Variants in CR1 observed in about 807,000 individuals in gnomAD.
The protein encoded by CR1 is complement C3b/C4b receptor 1 (Knops blood group), also known as complement receptor type 1.
CR1 carries 116 observed loss-of-function variants against 187.3 expected under a neutral mutation model. That is an observed-to-expected ratio of 0.62 (90% confidence interval 0.53 to 0.72). The LOEUF (loss-of-function observed/expected upper bound fraction) is 0.72, where lower values mean the gene tolerates loss of function less well. Ranked by LOEUF, CR1 falls within the 30% of genes least tolerant of loss-of-function variation. The pLI is 0.00. For synonymous variants in CR1, 576 were observed against 747.1 expected, an observed-to-expected ratio of 0.77 and a Z score of 3.73; for missense variants, 1,731 against 2,110.7, an observed-to-expected ratio of 0.82 and a Z score of 3.52.
At chr1:207,568,125 A>G in intron 25 of CR1, 83 bp downstream of exon 25, 2 of 1,608,500 alleles carry the variant, frequency 1.2e-6, no homozygotes, top group South Asian at 2.2e-5. Flanking sequence ...ACAGTGTAGT[A>G]TTTATTTGTA....
chr1:207,593,082 T>TAAAAAAAAA lies in CR1; in HGVS notation c.5810+4309_5810+4310insAAAAAAAAA, dbSNP rs778842599. 1.3e-4 allele frequency among the ~76,000 whole-genome samples: 8 copies of TAAAAAAAAA among 59,928 alleles called. No homozygotes were observed. The African/African-American group carries it at 1.8e-3, about 14-fold the overall frequency. 39.3% of individuals were successfully genotyped at this position (59,928 alleles called of 152,430 possible). A position where few individuals can be genotyped will look rare whatever the true frequency, so the allele number is the denominator to read the frequency against. Reference sequence around the variant, plus strand: ...TTACCAATGGCTTTCTTCACAGAATTACAAAAAAAAAAAAAAAAAAACTAC... The same window carrying TAAAAAAAAA: ...TTACCAATGGCTTTCTTCACAGAATTAAAAAAAAAACAAAAAAAAAAAAAAAAAAACTAC... On this transcript the variant is annotated intron_variant, in intron 35 of 46. Transcript: ENST00000367049.
Position 207,630,576 on chromosome 1 carries a change from G to A in CR1, c.7412G>A (p.Ser2471Asn). 2 of 1,611,396 alleles carry A rather than the reference G, an allele frequency of 1.2e-6. No individual in the cohort carries two copies. Among genetic ancestry groups the A allele is most frequent in the Admixed American group, 1.7e-5 (1 of 59,644 alleles). Residue 2471 changes from serine to asparagine, a missense_variant, in exon 46 of 47, where the codon AGC becomes AAC. Physicochemically the swap from Ser to Asn is conservative, Grantham distance 46. Around this residue, in one of 5 missense-constraint regions of CR1, gnomAD observed 1,312 missense variants for 1,379.6 expected, o/e 0.95. Transcript: ENST00000367049. The stretch of plus-strand genomic sequence containing the variant: ...ATCCATTTACATTCTCAAGGAGGCA[G>A]CAGCGTTCATCCCCGAACTCTGCAA... Reference protein sequence around the residue: ...VAIHLHSQGGSSVHPRTLQTN... With the variant: ...VAIHLHSQGGNSVHPRTLQTN...
intron 28 of CR1, among the ~76,000 whole-genome samples, 157 bp from the exon 29 acceptor site, chr1:207,577,648 T>A (rs2102338288): frequency 6.6e-6 from 1 of 152,268 alleles, no homozygotes; most frequent in Middle Eastern, 3.4e-3. Context: ...TGCATGCCTG[T>A]GATCCCAGCT....
intron 3 of CR1, among the ~76,000 whole-genome samples, 186 bp from the exon 4 acceptor site, chr1:207,511,383 T>C (rs1169296200): frequency 6.6e-6 from 1 of 152,168 alleles, no homozygotes; most frequent in Non-Finnish European, 1.5e-5. Flanking sequence ...CAATTGAGAA[T>C]GTATGAAAAA....
At chr1:207,592,892 T>C (rs1435935290) in intron 35 of CR1, among the ~76,000 whole-genome samples, 1 of 152,004 alleles carries the variant, frequency 6.6e-6, no homozygotes, top group Non-Finnish European at 1.5e-5. Context: ...ACAAGGGAAG[T>C]GAAGGACATC....
intron 32 of CR1, among the ~76,000 whole-genome samples, chr1:207,583,667 A>G (rs1301635850): frequency 6.6e-6 from 1 of 152,194 alleles, no homozygotes; most frequent in Non-Finnish European, 1.5e-5. Flanking sequence ...CTTTGCCTTA[A>G]ATCATTTCAA....
intron 40 of CR1, among the ~76,000 whole-genome samples, chr1:207,616,109 T>A (rs921136400): frequency 9.2e-5 from 14 of 152,186 alleles, no homozygotes; most frequent in African/African-American, 3.1e-4. Flanking sequence ...GTCCTGATGG[T>A]AATGGTCTTG....
chr1:207,524,032 A>G lies in CR1; in HGVS notation c.886+23A>G, dbSNP rs1363306737. Reference sequence around the variant, plus strand: ...GGGGTGAGTCTGACTGAGGCCTAGAAGGGCCCTGCCAGTGACATGCGTTGC... The same window carrying G: ...GGGGTGAGTCTGACTGAGGCCTAGAGGGGCCCTGCCAGTGACATGCGTTGC... On this transcript the variant is annotated intron_variant, in intron 5 of 46. Coordinates refer to ENST00000367049, the MANE Select transcript of CR1 (RefSeq NM_000651.6). The G allele has an allele frequency of 1.1e-5, 18 of 1,611,636 alleles. No homozygotes were observed. The Admixed American group carries it at 2.2e-4, about 19-fold the overall frequency.
At chr1:207,522,979 G>C (rs1660044644) in intron 4 of CR1, among the ~76,000 whole-genome samples, 1 of 152,098 alleles carries the variant, frequency 6.6e-6, no homozygotes, top group South Asian at 2.1e-4. Flanking sequence ...ACTTAGATTT[G>C]ATGAAATGAG....
rs376639303 is a variant in CR1, at chr1:207,554,578, C to T, written c.3101+1727C>T. On this transcript the variant is annotated intron_variant, in intron 19 of 46. Transcript: ENST00000367049. ...ATGGAGTTTTCCTGCCTGCTAACAA[C>T]GGCAGCCATTCTGCAGCCCATGGCT... Among the ~76,000 whole-genome samples the T allele has an allele frequency of 5.7e-3, 196 of 34,458 alleles. 93 individuals carry two copies. The East Asian group carries it at 0.53, about 94-fold the overall frequency. The allele number at this position is 34,458 out of a possible 152,430, so 22.6% of individuals were successfully genotyped here. A position where few individuals can be genotyped will look rare whatever the true frequency, so the allele number is the denominator to read the frequency against.
At chr1:207,520,806 A>G (rs1285448352) in intron 4 of CR1, among the ~76,000 whole-genome samples, 1 of 151,758 alleles carries the variant, frequency 6.6e-6, no homozygotes, top group African/African-American at 2.4e-5. Context: ...TTCTTTAAAC[A>G]TTTTTCTAAG....
chr1:207,584,291 C>G (rs372287749), intron 32 of CR1, among the ~76,000 whole-genome samples: 1 of 152,160 alleles, frequency 6.6e-6, no homozygotes, highest in Non-Finnish European at 1.5e-5. Flanking sequence ...ACTTGACATA[C>G]AGCAGATATT....
At chr1:207,628,417 T>C (rs1253522289) in intron 45 of CR1, among the ~76,000 whole-genome samples, 1 of 152,172 alleles carries the variant, frequency 6.6e-6, no homozygotes, top group Non-Finnish European at 1.5e-5. Context: ...TTAATGTATC[T>C]ACAAAAAGAG....
chr1:207,620,549 C>T (rs1346390178), intron 43 of CR1, among the ~76,000 whole-genome samples: 1 of 152,202 alleles, frequency 6.6e-6, no homozygotes, highest in South Asian at 2.1e-4. Context: ...AAACTACCCA[C>T]ATCATGGAGC....
chr1:207,638,202 G>C (rs1662874682), intron 46 of CR1, among the ~76,000 whole-genome samples: 1 of 152,124 alleles, frequency 6.6e-6, no homozygotes, highest in Non-Finnish European at 1.5e-5. Context: ...AATTCCTGTT[G>C]TATGTGAAAC....
intron 1 of CR1, among the ~76,000 whole-genome samples, chr1:207,502,110 T>G (rs1659289776): frequency 6.6e-6 from 1 of 152,172 alleles, no homozygotes; most frequent in Non-Finnish European, 1.5e-5. Context: ...CAAATATGCA[T>G]TGAGTTCTTA....
At chr1:207,574,986 T>A (rs1660695093) in intron 27 of CR1, among the ~76,000 whole-genome samples, 1 of 152,214 alleles carries the variant, frequency 6.6e-6, no homozygotes, top group Admixed American at 6.5e-5. Context: ...CAGGTCATTT[T>A]ATTCATTGCT....
At chr1:207,514,029 A>T (rs12130494) in intron 4 of CR1, among the ~76,000 whole-genome samples, 30,238 of 151,990 alleles carry the variant, frequency 0.2, 3,296 homozygotes, top group South Asian at 0.44. Flanking sequence ...TAAAAAATTT[A>T]TGTCTTTGAA....
At chr1:207,498,406 T>C (rs1368243923) in intron 1 of CR1, among the ~76,000 whole-genome samples, 1 of 152,234 alleles carries the variant, frequency 6.6e-6, no homozygotes, top group Non-Finnish European at 1.5e-5. Context: ...GATTGTTTTG[T>C]TATTATGAGT....
Sources: allele counts gnomAD v4.1 joint callset (sites outside exome capture counted in the v4.1 genomes callset), GRCh38; gene constraint gnomAD v4.1.1; regional missense constraint gnomAD v4.1.1; transcripts MANE v1.5; gene names NCBI Gene and HGNC (gene_info 2026-07-23, HGNC 2026-07-21).